Variants in CYP2C19 observed in about 807,000 individuals in gnomAD.
CYP2C19 encodes cytochrome P450 2C19.
Under a neutral mutation model 40.9 loss-of-function variants are expected in CYP2C19, and 59 were observed. The ratio of observed to expected loss-of-function variants is 1.44; its 90% CI spans 1.17 to 1.79. The LOEUF (loss-of-function observed/expected upper bound fraction) is 1.79. Among genes scored for constraint, CYP2C19 ranks in the 40% most tolerant of loss-of-function variants. The pLI is 0.00. For synonymous variants in CYP2C19, 253 were observed against 208.7 expected, an observed-to-expected ratio of 1.21 and a Z score of -1.83; for missense variants, 754 against 596.9, an observed-to-expected ratio of 1.26 and a Z score of -2.74.
intron 3 of CYP2C19, chr10:94,776,450 A>G (rs987544696): frequency 5.3e-5 from 8 of 152,144 alleles, no homozygotes; most frequent in South Asian, 2.1e-4. Context: ...TGGATACCAA[A>G]TTACCTCATT....
chr10:94,766,608 T>C (rs1362178095), intron 1 of CYP2C19, among the ~76,000 whole-genome samples: 1 of 152,086 alleles, frequency 6.6e-6, no homozygotes, highest in Non-Finnish European at 1.5e-5. Context: ...TTATGTAGGT[T>C]TTCACTTATC....
intron 1 of CYP2C19, among the ~76,000 whole-genome samples, chr10:94,770,351 G>A (rs1337902571): frequency 6.6e-6 from 1 of 152,106 alleles, no homozygotes; most frequent in Non-Finnish European, 1.5e-5. Flanking sequence ...TTTTAAAAAT[G>A]TCCTTGTAAA....
intron 5 of CYP2C19, among the ~76,000 whole-genome samples, chr10:94,803,931 G>A (rs1848799471): frequency 1.3e-5 from 2 of 152,102 alleles, no homozygotes; most frequent in Non-Finnish European, 2.9e-5. Flanking sequence ...CTTGCACCAT[G>A]ATCTATGCAC....
In CYP2C19 at chr10:94,853,088, T is replaced by G. The variant is rs139900656; in HGVS notation, c.*174T>G. 3.1e-6 allele frequency: 2 copies of G among 646,334 alleles called. No homozygotes were observed. The highest frequency in any genetic ancestry group is 3.7e-5 in the African/African-American group (2 of 54,676). The allele number at this position is 646,334 out of a possible 1,614,324, so 40.0% of individuals were successfully genotyped here. On this transcript the variant is annotated 3_prime_UTR_variant, in exon 9 of 9. Transcript: ENST00000371321. The stretch of plus-strand genomic sequence containing the variant: ...AAAAGTTTCACTGTGCAAATATATC[T>G]GCTATTCCCCATACTCTATAATAGT...
chr10:94,775,590 T>A (rs745769509), intron 3 of CYP2C19, 51 bp downstream of exon 3: 2 of 1,613,378 alleles, frequency 1.2e-6, no homozygotes, highest in Non-Finnish European at 1.7e-6. Flanking sequence ...CTCTCCTCTC[T>A]ACTGACATTC....
In CYP2C19 at chr10:94,854,779, A is replaced by G. The variant is rs17883047; in HGVS notation, c.*1865A>G. Among the ~76,000 whole-genome samples the G allele has an allele frequency of 1.7e-3, 254 of 152,278 alleles. 2 individuals carry two copies. Among genetic ancestry groups the G allele is most frequent in the Admixed American group, 3.1e-3 (48 of 15,278 alleles). ...TTGTATTAAAACTTGCTATTTTCCT[A>G]CCAAGTAATATGCCAGCAAAACCTC... On this transcript the variant is annotated 3_prime_UTR_variant, in exon 9 of 9. Transcript: ENST00000371321.
chr10:94,823,212 G>T (rs1187742883), intron 6 of CYP2C19, among the ~76,000 whole-genome samples: 1 of 152,098 alleles, frequency 6.6e-6, no homozygotes, highest in Non-Finnish European at 1.5e-5. Flanking sequence ...TAGAGAATGA[G>T]GTTGAAAAAC....
intron 7 of CYP2C19, among the ~76,000 whole-genome samples, chr10:94,844,964 C>G (rs1039157473): frequency 6.6e-6 from 1 of 152,184 alleles, no homozygotes; most frequent in African/African-American, 2.4e-5. Flanking sequence ...CACCCACCTG[C>G]AGGGCAGCTC....
intron 7 of CYP2C19, among the ~76,000 whole-genome samples, chr10:94,849,564 T>C (rs901127238): frequency 6.6e-6 from 1 of 151,538 alleles, no homozygotes; most frequent in African/African-American, 2.4e-5. Context: ...ATGTGCCATA[T>C]TGGTGTGCTG....
chr10:94,796,897 A>T (rs192395908), intron 5 of CYP2C19, among the ~76,000 whole-genome samples: 2 of 152,246 alleles, frequency 1.3e-5, no homozygotes, highest in Admixed American at 1.3e-4. Flanking sequence ...TTGGGCTGTG[A>T]CAATGTGGTT....
Position 94,853,715 on chromosome 10 carries a change from T to G in CYP2C19, c.*801T>G, listed in dbSNP as rs533758565. On this transcript the variant is annotated 3_prime_UTR_variant, in exon 9 of 9. Transcript: ENST00000371321. ...CACGTGCCACCATGCCTGGCTAATT[T>G]TTTTGTATTTTTAGTACAGACAGGG... 2.0e-5 allele frequency among the ~76,000 whole-genome samples: 3 copies of G among 151,742 alleles called. No homozygotes were observed. The East Asian group carries it at 5.9e-4, about 30-fold the overall frequency.
chr10:94,802,901 T>C (rs1329545871), intron 5 of CYP2C19, among the ~76,000 whole-genome samples: 1 of 152,212 alleles, frequency 6.6e-6, no homozygotes, highest in Non-Finnish European at 1.5e-5. Context: ...TTTAAGAATG[T>C]TGAATATTGG....
In CYP2C19 at chr10:94,853,324, TTCCAGGAGGC is replaced by T. The variant is rs1201915053; in HGVS notation, c.*411_*420del. The T allele has an allele frequency of 2.5e-6, 1 of 396,324 alleles. No individual in the cohort carries two copies. The highest frequency in any genetic ancestry group is 4.7e-6 in the Non-Finnish European group (1 of 214,304). 24.6% of individuals were successfully genotyped at this position (396,324 alleles called of 1,614,324 possible). A position where few individuals can be genotyped will look rare whatever the true frequency, so the allele number is the denominator to read the frequency against. Reference sequence around the variant, plus strand: ...AGGTGACAAATTAAAGAAAATAGAGTTCCAGGAGGCCATGCTGGTTCTCAAAACGATAAGG... The same window carrying T: ...AGGTGACAAATTAAAGAAAATAGAGTCATGCTGGTTCTCAAAACGATAAGG... On this transcript the variant is annotated 3_prime_UTR_variant, in exon 9 of 9. Transcript: ENST00000371321.
chr10:94,828,776 T>C (rs192304457), intron 6 of CYP2C19, among the ~76,000 whole-genome samples: 2,005 of 152,258 alleles, frequency 0.013, 25 homozygotes, highest in Middle Eastern at 0.02. Context: ...CTTTACATTT[T>C]GGCATGATTT....
intron 5 of CYP2C19, among the ~76,000 whole-genome samples, chr10:94,800,033 C>T (rs898949692): frequency 8.5e-5 from 13 of 152,174 alleles, no homozygotes; most frequent in Admixed American, 5.2e-4. Context: ...CTCCATCCAG[C>T]TTTGTTCCTT....
At chr10:94,780,939 A>G (rs1300116594) in intron 4 of CYP2C19, among the ~76,000 whole-genome samples, 1 of 152,140 alleles carries the variant, frequency 6.6e-6, no homozygotes, top group South Asian at 2.1e-4. Flanking sequence ...TACTTTGGTG[A>G]CAGCCCCAAA....
At chr10:94,794,380 T>A (rs1302925046) in intron 5 of CYP2C19, among the ~76,000 whole-genome samples, 1 of 152,016 alleles carries the variant, frequency 6.6e-6, no homozygotes, top group Admixed American at 6.6e-5. Context: ...CAAGCCCCAG[T>A]GAGATGAACC....
Position 94,853,811 on chromosome 10 carries a change from G to T in CYP2C19, c.*897G>T, listed in dbSNP as rs1388162123. Among the ~76,000 whole-genome samples, 1 of 152,074 alleles carries T rather than the reference G, an allele frequency of 6.6e-6. No homozygotes were observed. Among genetic ancestry groups the T allele is most frequent in the African/African-American group, 2.4e-5 (1 of 41,404 alleles). On this transcript the variant is annotated 3_prime_UTR_variant, in exon 9 of 9. Coordinates refer to ENST00000371321, the MANE Select transcript of CYP2C19 (RefSeq NM_000769.4). ...TCTGCCTGCCTCAGCCTCCCAAAGTGCTGGGATTACAGGAGTGAGACACTG... is the reference window on the plus strand; with the variant it reads ...TCTGCCTGCCTCAGCCTCCCAAAGTTCTGGGATTACAGGAGTGAGACACTG...
intron 6 of CYP2C19, among the ~76,000 whole-genome samples, chr10:94,825,896 A>T (rs1240201946): frequency 6.6e-6 from 1 of 151,700 alleles, no homozygotes; most frequent in Non-Finnish European, 1.5e-5. Context: ...CTTTCCCAGC[A>T]CCATTTATTA....
Sources: gnomAD v4.1 joint callset for allele counts (sites outside exome capture counted in the v4.1 genomes callset) on GRCh38, gnomAD v4.1.1 for gene constraint, MANE v1.5 for transcripts, NCBI Gene and HGNC (gene_info 2026-07-23, HGNC 2026-07-21) for gene names.